The following ADAM12 variants were observed in gnomAD, a reference collection of about 807,000 sequenced individuals.
The protein encoded by ADAM12 is ADAM metallopeptidase domain 12.
In ADAM12, 70 loss-of-function variants were observed where a neutral mutation model predicts 106.4. That is an observed-to-expected ratio of 0.66 (90% CI 0.54 to 0.80). The LOEUF (loss-of-function observed/expected upper bound fraction) is 0.80. Ranked by LOEUF, ADAM12 falls within the 30% of genes least tolerant of loss-of-function variation. The pLI, the probability that ADAM12 is intolerant of heterozygous loss-of-function variation, is 0.00. For synonymous variants in ADAM12, 420 were observed against 433.5 expected (o/e 0.97, Z 0.39); for missense variants, 1,010 against 1,171.9 (o/e 0.86, Z 2.02).
At chr10:126,292,413 C>G (rs1429478997) in intron 2 of ADAM12, among the ~76,000 whole-genome samples, 2 of 152,150 alleles carry the variant, frequency 1.3e-5, no homozygotes, top group Non-Finnish European at 2.9e-5. Flanking sequence ...ACATGGCCCT[C>G]ATTCCAGCTC....
chr10:126,362,320 A>C, intron 1 of ADAM12, among the ~76,000 whole-genome samples: 1 of 152,162 alleles, frequency 6.6e-6, no homozygotes, highest in East Asian at 1.9e-4. Context: ...AAAAGAAAAC[A>C]CTTGTACACT....
intron 11 of ADAM12, among the ~76,000 whole-genome samples, chr10:126,088,724 C>CAAAAA (rs55755010): frequency 4.0e-5 from 6 of 148,812 alleles, no homozygotes; most frequent in East Asian, 4.0e-4. Context: ...AAAACAAAAA[C>CAAAAA]AAAAAGAGAG....
rs1382440138 is a variant in ADAM12, at chr10:126,049,911, T to C, written c.1610-242A>G. Among the ~76,000 whole-genome samples, 1 of 152,180 alleles carries C rather than the reference T, an allele frequency of 6.6e-6. No individual in the cohort carries two copies. The highest frequency in any genetic ancestry group is 2.4e-5 in the African/African-American group (1 of 41,454). On this transcript the variant is annotated intron_variant, in intron 14 of 22. Coordinates refer to ENST00000448723, the MANE Select transcript of ADAM12 (RefSeq NM_001288973.2). This position sits in a 1 kb window ranked among gnomAD's most constrained non-coding sequence, Gnocchi z 4.4. The stretch of plus-strand genomic sequence containing the variant: ...CTTACTCTTCCTTAGGTCTGCTCTC[T>C]GGGCTTGTGGCATGTGTGGCCTCTC...
chr10:126,138,303 T>TTATTAGATATATGATTTACAGATA (rs1956443483), intron 4 of ADAM12, among the ~76,000 whole-genome samples: 3 of 152,212 alleles, frequency 2.0e-5, no homozygotes, highest in African/African-American at 7.2e-5. Context: ...CACTAGACCC[T>TTATTAGATATATGATTTACAGATA]TATTAGATAT....
chr10:126,045,987 T>C, intron 17 of ADAM12, 68 bp downstream of exon 17: 2 of 1,418,274 alleles, frequency 1.4e-6, no homozygotes, highest in South Asian at 1.1e-5. Flanking sequence ...CAAAACCTTT[T>C]ACAAATGAAT....
At chr10:126,257,546 A>C (rs1351377561) in intron 3 of ADAM12, among the ~76,000 whole-genome samples, 2 of 152,242 alleles carry the variant, frequency 1.3e-5, no homozygotes, top group African/African-American at 4.8e-5. Flanking sequence ...TATTTAAAAG[A>C]AAAACATTTT....
chr10:126,129,031 A>G (rs1956258942), intron 5 of ADAM12, among the ~76,000 whole-genome samples: 1 of 152,248 alleles, frequency 6.6e-6, no homozygotes, highest in Non-Finnish European at 1.5e-5. Context: ...GGAAATAACT[A>G]TGATGACAAC....
At chr10:126,251,094 T>C (rs1029280187) in intron 3 of ADAM12, among the ~76,000 whole-genome samples, 2 of 152,184 alleles carry the variant, frequency 1.3e-5, no homozygotes, top group African/African-American at 4.8e-5. Context: ...AAGTGGCTTG[T>C]TCTCCTCTGG....
chr10:126,149,099 CGAG>C, intron 4 of ADAM12, among the ~76,000 whole-genome samples: 1 of 152,132 alleles, frequency 6.6e-6, no homozygotes, highest in East Asian at 1.9e-4. Context: ...CGGGGGAAGA[CGAG>C]GGGAATGGAG....
At chr10:126,128,723 C>T (rs1170289937) in intron 5 of ADAM12, among the ~76,000 whole-genome samples, 2 of 112,122 alleles carry the variant, frequency 1.8e-5, no homozygotes, top group Non-Finnish European at 3.6e-5. Flanking sequence ...GGCGCCTGTG[C>T]GAGTGTGTGG....
At position 126,071,640 on chromosome 10, in the gene ADAM12, A is replaced by G. The variant is rs1954994823; in HGVS notation, c.1160T>C (p.Met387Thr). 1.2e-6 allele frequency: 2 copies of G among 1,614,024 alleles called. No homozygotes were observed. The highest frequency in any genetic ancestry group is 1.1e-5 in the South Asian group (1 of 91,068). ...CTTCCTGCTGCAACTGCTGAACACC[A>G]TGGGAAATGGGTACCTGAGAAAGGA... ...MNASTGYPFP[M>T]VFSSCSRKDL... Residue 387 changes from methionine (M) to threonine (T), a missense_variant, in exon 12 of 23, where the codon ATG (methionine) becomes ACG (threonine). Met to Thr is a moderately conservative substitution (Grantham distance 81, BLOSUM62 -1). Coordinates refer to ENST00000448723, the MANE Select transcript of ADAM12 (RefSeq NM_001288973.2).
chr10:126,243,075 T>C (rs1958558764), intron 3 of ADAM12, among the ~76,000 whole-genome samples: 1 of 152,206 alleles, frequency 6.6e-6, no homozygotes. Context: ...ACATTCACCC[T>C]GTCAGCGCGT....
intron 2 of ADAM12, 121 bp downstream of exon 2, chr10:126,330,291 C>G: frequency 1.2e-6 from 1 of 845,252 alleles, no homozygotes; most frequent in Admixed American, 2.8e-5. Flanking sequence ...CTTCCATTCT[C>G]TAAGGATAGA....
At chr10:126,067,086 C>T (rs2133485425) in intron 12 of ADAM12, 1 of 417,874 alleles carries the variant, frequency 2.4e-6, no homozygotes, top group South Asian at 2.3e-5. Flanking sequence ...GGACATCACT[C>T]TAGTCAGCAG....
chr10:126,256,147 G>A (rs897702580), intron 3 of ADAM12, among the ~76,000 whole-genome samples: 18 of 152,102 alleles, frequency 1.2e-4, no homozygotes, highest in Non-Finnish European at 2.4e-4. Context: ...CCCCTACCTG[G>A]CAACTTTGGT....
At chr10:126,134,561 C>A (rs1317543222) in intron 5 of ADAM12, among the ~76,000 whole-genome samples, 3 of 152,180 alleles carry the variant, frequency 2.0e-5, no homozygotes, top group Non-Finnish European at 4.4e-5. Flanking sequence ...CTGGTAAATA[C>A]TTAGAGATAA....
intron 2 of ADAM12, among the ~76,000 whole-genome samples, chr10:126,312,868 T>A (rs535531321): frequency 6.6e-6 from 1 of 152,170 alleles, no homozygotes; most frequent in Non-Finnish European, 1.5e-5. Flanking sequence ...CGTGAACATA[T>A]GTGAGCCACA....
At chr10:126,119,863 C>G (rs1956053616) in intron 5 of ADAM12, among the ~76,000 whole-genome samples, 1 of 152,182 alleles carries the variant, frequency 6.6e-6, no homozygotes, top group South Asian at 2.1e-4. Context: ...GCTTGGTTTT[C>G]ATTTCTCTCT....
chr10:126,240,526 G>C (rs1017582955), intron 3 of ADAM12, among the ~76,000 whole-genome samples: 1 of 152,238 alleles, frequency 6.6e-6, no homozygotes, highest in African/African-American at 2.4e-5. Context: ...GAAAGAAAAT[G>C]CTAGGAAAGA....
Sources: allele counts gnomAD v4.1 joint callset (sites outside exome capture counted in the v4.1 genomes callset), GRCh38; gene constraint gnomAD v4.1.1; non-coding constraint Gnocchi (gnomAD v3.1); transcripts MANE v1.5; gene names NCBI Gene and HGNC (gene_info 2026-07-23, HGNC 2026-07-21).